FUT9: variants seen among roughly 807,000 people sequenced by gnomAD.
The protein encoded by FUT9 is fucosyltransferase 9.
In FUT9, 15 loss-of-function variants were observed where a neutral mutation model predicts 29.7. The observed-to-expected ratio is 0.51, with a 90% CI of 0.34 to 0.78. The LOEUF (loss-of-function observed/expected upper bound fraction) is 0.78. Ranked by LOEUF, FUT9 falls within the 30% of genes least tolerant of loss-of-function variation. FUT9 has a pLI of 0.01. For synonymous variants in FUT9, 169 were observed against 153.7 expected (o/e 1.10, Z -0.74); for missense variants, 319 against 425.4 (o/e 0.75, Z 2.20).
intron 1 of FUT9, among the ~76,000 whole-genome samples, chr6:96,070,951 G>A (rs2127947394): frequency 6.6e-6 from 1 of 152,236 alleles, no homozygotes; most frequent in Non-Finnish European, 1.5e-5. Flanking sequence ...TCAGATAGAT[G>A]TTAGTCTTCT....
chr6:96,136,419 T>C (rs1772350494), intron 2 of FUT9, among the ~76,000 whole-genome samples: 1 of 151,976 alleles, frequency 6.6e-6, no homozygotes, highest in Non-Finnish European at 1.5e-5. Flanking sequence ...ACAGATACAA[T>C]TAAAAGTTTT....
chr6:96,204,397 CA>C lies in FUT9; in HGVS notation c.*163del, dbSNP rs1773788882. On this transcript the variant is annotated 3_prime_UTR_variant, in exon 3 of 3. Coordinates refer to ENST00000302103, the MANE Select transcript of FUT9 (RefSeq NM_006581.4). ...TTGGTGGAGATTTTTAAAAGCTCAGCATGAGCAATCATTCCATTCGGTTTTA... is the reference window on the plus strand; with the variant it reads ...TTGGTGGAGATTTTTAAAAGCTCAGCTGAGCAATCATTCCATTCGGTTTTA... 1.8e-5 allele frequency: 8 copies of C among 448,114 alleles called. No individual in the cohort carries two copies. The highest frequency in any genetic ancestry group is 3.2e-5 in the Non-Finnish European group (8 of 251,576). 27.8% of individuals were successfully genotyped at this position (448,114 alleles called of 1,614,324 possible). A position where few individuals can be genotyped will look rare whatever the true frequency, so the allele number is the denominator to read the frequency against.
intron 2 of FUT9, among the ~76,000 whole-genome samples, chr6:96,115,975 C>T (rs1771903898): frequency 6.6e-6 from 1 of 151,990 alleles, no homozygotes; most frequent in African/African-American, 2.4e-5. Flanking sequence ...AAAAATCTAA[C>T]ATTTAAAAAA....
intron 2 of FUT9, among the ~76,000 whole-genome samples, chr6:96,197,045 G>A (rs1252651666): frequency 6.6e-6 from 1 of 152,174 alleles, no homozygotes; most frequent in Non-Finnish European, 1.5e-5. Flanking sequence ...TGAAAGACAG[G>A]AGAGCAGTAG....
At position 96,204,241 on chromosome 6, in the gene FUT9, T is replaced by G; in HGVS notation, c.*6T>G. 1 of 1,437,610 alleles carries G rather than the reference T, an allele frequency of 7.0e-7. No homozygotes were observed. 89.1% of individuals were successfully genotyped at this position (1,437,610 alleles called of 1,614,324 possible). A position where few individuals can be genotyped will look rare whatever the true frequency, so the allele number is the denominator to read the frequency against. ...AGAAATGGTTTTGGAATTAAAATTT[T>G]TCATCACTTGCACACTTGATAAATA... On this transcript the variant is annotated 3_prime_UTR_variant, in exon 3 of 3. Transcript: ENST00000302103.
chr6:96,102,059 T>TTTA (rs1771595561), intron 1 of FUT9, among the ~76,000 whole-genome samples: 1 of 152,282 alleles, frequency 6.6e-6, no homozygotes, highest in South Asian at 2.1e-4. Flanking sequence ...TCAGAGGTTA[T>TTTA]TTCAATAAAA....
At chr6:96,054,111 A>G (rs371287856) in intron 1 of FUT9, among the ~76,000 whole-genome samples, 2 of 152,162 alleles carry the variant, frequency 1.3e-5, no homozygotes, top group Non-Finnish European at 2.9e-5. Flanking sequence ...GGTCAGTTTC[A>G]TCAAATGACC....
intron 2 of FUT9, among the ~76,000 whole-genome samples, chr6:96,151,836 G>A (rs538813144): frequency 6.6e-6 from 1 of 152,262 alleles, no homozygotes; most frequent in African/African-American, 2.4e-5. Flanking sequence ...TGTGAGCTTT[G>A]AAACTATTTT....
chr6:96,155,650 G>T (rs1772767662), intron 2 of FUT9, among the ~76,000 whole-genome samples: 2 of 151,320 alleles, frequency 1.3e-5, no homozygotes, highest in African/African-American at 4.9e-5. Context: ...TCCAGCCTGG[G>T]CGACAGAGTG....
At chr6:96,102,999 T>C (rs925519061) in intron 1 of FUT9, among the ~76,000 whole-genome samples, 1 of 151,248 alleles carries the variant, frequency 6.6e-6, no homozygotes, top group Non-Finnish European at 1.5e-5. Flanking sequence ...GCCAAGAGAG[T>C]GGTAGGCAGG....
intron 2 of FUT9, among the ~76,000 whole-genome samples, chr6:96,200,820 A>G (rs1773714343): frequency 6.6e-6 from 1 of 152,260 alleles, no homozygotes; most frequent in East Asian, 1.9e-4. Context: ...TCTGGAGTCT[A>G]GATGGAATTG....
chr6:96,058,432 AG>A (rs990802720), intron 1 of FUT9, among the ~76,000 whole-genome samples: 1 of 149,330 alleles, frequency 6.7e-6, no homozygotes, highest in African/African-American at 2.5e-5. Flanking sequence ...AGAGAGTAAG[AG>A]TAAAAGTGCA....
chr6:96,095,403 G>A (rs565471810), intron 1 of FUT9, among the ~76,000 whole-genome samples: 5 of 152,006 alleles, frequency 3.3e-5, no homozygotes, highest in African/African-American at 4.8e-5. Flanking sequence ...CTCAACTTTC[G>A]CTTGAATACA....
chr6:96,170,472 A>T (rs1444752165), intron 2 of FUT9, among the ~76,000 whole-genome samples: 1 of 152,080 alleles, frequency 6.6e-6, no homozygotes, highest in Non-Finnish European at 1.5e-5. Flanking sequence ...TCAAAATCAA[A>T]CTGTCCTTTT....
intron 2 of FUT9, among the ~76,000 whole-genome samples, chr6:96,139,784 G>A (rs374898155): frequency 6.6e-6 from 1 of 152,130 alleles, no homozygotes; most frequent in South Asian, 2.1e-4. Context: ...ACCATGGCTG[G>A]AGCTGAAGCA....
At chr6:96,147,695 C>T (rs542387291) in intron 2 of FUT9, among the ~76,000 whole-genome samples, 1 of 151,816 alleles carries the variant, frequency 6.6e-6, no homozygotes, top group Non-Finnish European at 1.5e-5. Context: ...TTTCTTAACT[C>T]TTCATCCTTT....
intron 2 of FUT9, among the ~76,000 whole-genome samples, chr6:96,192,690 T>C (rs1409120716): frequency 2.6e-5 from 4 of 151,950 alleles, no homozygotes; most frequent in Non-Finnish European, 5.9e-5. Context: ...TTCACAGAGT[T>C]GGAAAAAACT....
chr6:96,074,321 T>C (rs574171769), intron 1 of FUT9, among the ~76,000 whole-genome samples: 1 of 152,212 alleles, frequency 6.6e-6, no homozygotes, highest in East Asian at 1.9e-4. Flanking sequence ...GCTAGAAGAA[T>C]AGGGTCTTGC....
At chr6:96,100,555 A>G (rs1018176136) in intron 1 of FUT9, among the ~76,000 whole-genome samples, 2 of 152,180 alleles carry the variant, frequency 1.3e-5, no homozygotes, top group African/African-American at 2.4e-5. Context: ...ATTAATCAAA[A>G]GCCAAAATAT....
Sources: gnomAD v4.1 joint callset for allele counts (sites outside exome capture counted in the v4.1 genomes callset) on GRCh38, gnomAD v4.1.1 for gene constraint, MANE v1.5 for transcripts, NCBI Gene and HGNC (gene_info 2026-07-23, HGNC 2026-07-21) for gene names.